The following TSR1 variants were observed in gnomAD, a reference collection of about 807,000 sequenced individuals.
The protein encoded by TSR1 is pre-rRNA-processing protein TSR1 homolog.
A neutral mutation model predicts 90.9 loss-of-function variants in TSR1; 81 were observed. The observed-to-expected ratio is 0.89, with a 90% CI of 0.74 to 1.07. The LOEUF is 1.07. TSR1 is among the 50% of genes least tolerant of loss of function. The pLI is 0.00. For missense variants in TSR1, 989 were observed against 987.3 expected (o/e 1.00, Z -0.02); for synonymous variants, 362 against 348.8 (o/e 1.04, Z -0.42).
In TSR1 at chr17:2,336,435, C is replaced by G. The variant is rs373192073; in HGVS notation, c.-8G>C. 14 of 1,608,148 alleles carry G rather than the reference C, an allele frequency of 8.7e-6. No individual in the cohort carries two copies. In the East Asian group the frequency reaches 8.9e-5, roughly 10 times the overall value. ...GGGGCGGTGGGCCGCCATGCCGCAG[C>G]GCGCGTGTACGGAGTCAGCACTGCT... is the stretch of plus-strand genomic sequence containing the variant. On this transcript the variant is annotated 5_prime_UTR_variant, in exon 1 of 15. Coordinates refer to ENST00000301364, the MANE Select transcript of TSR1 (RefSeq NM_018128.5).
In TSR1 at chr17:2,334,662, T is replaced by G; in HGVS notation, c.791A>C (p.Glu264Ala). 1 of 1,613,628 alleles carries G rather than the reference T, an allele frequency of 6.2e-7. No homozygotes were observed. The highest frequency in any genetic ancestry group is 8.5e-7 in the Non-Finnish European group (1 of 1,180,040). ...FAHAVDFVPS[E>A]ENNLVGTLKI... ...CAAGGTGCCCACCAAGTTATTCTCT[T>G]CACTAGGAACAAAATCAACAGCATG... is the stretch of plus-strand genomic sequence containing the variant. The change falls in exon 5 of 15, where the codon GAA (glutamate) becomes GCA (alanine). Residue 264 changes from glutamate to alanine, a missense_variant. Physicochemically the swap from Glu to Ala is moderately radical, Grantham distance 107. Coordinates refer to ENST00000301364, the MANE Select transcript of TSR1 (RefSeq NM_018128.5).
chr17:2,333,951 T>C (rs1055444594), intron 5 of TSR1, among the ~76,000 whole-genome samples: 1 of 152,142 alleles, frequency 6.6e-6, no homozygotes, highest in Non-Finnish European at 1.5e-5. Context: ...ATTTATTACG[T>C]ACCTCACTCC....
chr17:2,332,375 A>T lies in TSR1; in HGVS notation c.1306-16T>A, dbSNP rs2064012509. The T allele has an allele frequency of 2.5e-6, 4 of 1,570,108 alleles. No homozygotes were observed. The South Asian group carries it at 4.8e-5, about 19-fold the overall frequency. On this transcript the variant is annotated splice_polypyrimidine_tract_variant and intron_variant, in intron 7 of 14. Coordinates refer to ENST00000301364, the MANE Select transcript of TSR1 (RefSeq NM_018128.5). ...TACTCTCATCCTGTAGAATAGGATT[A>T]CAGTTTTTTCAGAAGAAATCCACAC...
chr17:2,323,669 G>A lies in TSR1; in HGVS notation c.*527C>T. 6.2e-7 allele frequency: 1 copy of A among 1,614,080 alleles called. No individual in the cohort carries two copies. ...CATATCAACAGTGTGCAACCCAGCT[G>A]GTGTGGGAGAGGATGAAACTACTCA... On this transcript the variant is annotated 3_prime_UTR_variant, in exon 15 of 15. Coordinates refer to ENST00000301364, the MANE Select transcript of TSR1 (RefSeq NM_018128.5).
Position 2,323,573 on chromosome 17 carries a change from G to C in TSR1, c.*623C>G. 1 of 1,421,956 alleles carries C rather than the reference G, an allele frequency of 7.0e-7. No homozygotes were observed. Among genetic ancestry groups the C allele is most frequent in the Non-Finnish European group, 9.8e-7 (1 of 1,015,674 alleles). 88.1% of individuals were successfully genotyped at this position (1,421,956 alleles called of 1,614,324 possible). A position where few individuals can be genotyped will look rare whatever the true frequency, so the allele number is the denominator to read the frequency against. Reference sequence around the variant, plus strand: ...CACAGTGATAAGAAAATTCAAACTGGACACGTATTCTCATCTGAACTTTAT... The same window carrying C: ...CACAGTGATAAGAAAATTCAAACTGCACACGTATTCTCATCTGAACTTTAT... On this transcript the variant is annotated 3_prime_UTR_variant, in exon 15 of 15. Coordinates refer to ENST00000301364, the MANE Select transcript of TSR1 (RefSeq NM_018128.5).
At chr17:2,326,887 C>CTGAGGTCGGGAGTT (rs1456921931) in intron 11 of TSR1, among the ~76,000 whole-genome samples, 1 of 152,076 alleles carries the variant, frequency 6.6e-6, no homozygotes, top group Non-Finnish European at 1.5e-5. Context: ...GGTGGATCAC[C>CTGAGGTCGGGAGTT]TGAGGTCGGG....
rs1297114495 is a variant in TSR1, at chr17:2,323,738, A to C, written c.*458T>G. 2 of 1,614,096 alleles carry C rather than the reference A, an allele frequency of 1.2e-6. No homozygotes were observed. The highest frequency in any genetic ancestry group is 2.7e-5 in the African/African-American group (2 of 74,924). On this transcript the variant is annotated 3_prime_UTR_variant, in exon 15 of 15. Coordinates refer to ENST00000301364, the MANE Select transcript of TSR1 (RefSeq NM_018128.5). ...TTGGAGTGGCTGCTGTGCTGTCTCA[A>C]CATTTTCAAACTGTTTCCCCAGAAG...
At chr17:2,329,244 G>A in intron 11 of TSR1, 99 bp downstream of exon 11, 2 of 1,541,290 alleles carry the variant, frequency 1.3e-6, no homozygotes, top group Non-Finnish European at 1.8e-6. Flanking sequence ...CTAACCCAGA[G>A]ATGTAAGATT....
chr17:2,333,120 G>T lies in TSR1; in HGVS notation c.1146C>A (p.Phe382Leu). ...TTACCACCTTAGAACTTTCCTTCAA[G>T]AAATCTGTAAAAGCCCAAACAAATT... The part of the protein sequence containing the change: ...TEEELSEAKD[F>L]LKESSKVVKK... Residue 382 changes from phenylalanine to leucine, a missense_variant, in exon 7 of 15, where the codon TTC becomes TTA. By Grantham distance (22) the Phe-to-Leu change is conservative. Transcript: ENST00000301364. 1.2e-6 allele frequency: 2 copies of T among 1,613,012 alleles called. No individual in the cohort carries two copies. Among genetic ancestry groups the T allele is most frequent in the African/African-American group, 1.3e-5 (1 of 74,964 alleles).
intron 11 of TSR1, among the ~76,000 whole-genome samples, chr17:2,327,726 T>C (rs985864951): frequency 1.3e-5 from 2 of 152,064 alleles, no homozygotes; most frequent in Non-Finnish European, 2.9e-5. Context: ...TTATGGAAAA[T>C]TGATCAAAAT....
rs763195873 is a variant in TSR1, at chr17:2,333,651, A to G, written c.1047T>C (p.Pro349=). 1.6e-5 allele frequency: 26 copies of G among 1,614,048 alleles called. No homozygotes were observed. Among genetic ancestry groups the G allele is most frequent in the Non-Finnish European group, 3.4e-6 (4 of 1,180,046 alleles). ...CTGCTTGCAAGGATTCCTGTCTACC[A>G]GGGTCTGCCTTCATTAGGACTTTAA... is the stretch of plus-strand genomic sequence containing the variant. ...EGLKVLMKAD[P]GRQESLQAEV... Residue 349 remains proline (P), a synonymous_variant, in exon 6 of 15, where the codon CCT becomes CCC. Transcript: ENST00000301364.
chr17:2,329,447 C>T lies in TSR1; in HGVS notation c.1799G>A (p.Arg600His), dbSNP rs190016032. 7.0e-5 allele frequency: 113 copies of T among 1,614,144 alleles called. No individual in the cohort carries two copies. In the Middle Eastern group the frequency reaches 1.3e-3, roughly 19 times the overall value. Residue 600 changes from arginine to histidine, a missense_variant, in exon 11 of 15, where the codon CGT becomes CAT. Physicochemically the swap from Arg to His is conservative, Grantham distance 29. Transcript: ENST00000301364. ...KMSVLNMVVR[R>H]DPGNTEPVKA... Reference sequence around the variant, plus strand: ...CACAGGTTCAGTGTTGCCAGGGTCACGCCTCACCACCATATTCAATACTGA... The same window carrying T: ...CACAGGTTCAGTGTTGCCAGGGTCATGCCTCACCACCATATTCAATACTGA...
chr17:2,324,328 A>G lies in TSR1; in HGVS notation c.2283T>C (p.Ser761=). ...ACAGGTTCATCAGTACTGTGTCTTG[A>G]GATTTTAGCTTCCCATCAAAGCTGC... is the stretch of plus-strand genomic sequence containing the variant. The part of the protein sequence containing the change: ...MKCSFDGKLK[S]QDTVLMNLYK... Residue 761 remains serine (S), a synonymous_variant, in exon 15 of 15, where the codon TCT becomes TCC. Coordinates refer to ENST00000301364, the MANE Select transcript of TSR1 (RefSeq NM_018128.5). 1 of 1,565,398 alleles carries G rather than the reference A, an allele frequency of 6.4e-7. No individual in the cohort carries two copies. Among genetic ancestry groups the G allele is most frequent in the Non-Finnish European group, 8.6e-7 (1 of 1,159,282 alleles).
chr17:2,334,935 T>A, intron 4 of TSR1, 39 bp from the exon 5 acceptor site: 2 of 1,567,742 alleles, frequency 1.3e-6, no homozygotes, highest in Admixed American at 3.7e-5. Flanking sequence ...ACCTACTGCT[T>A]CATTACATAA....
At chr17:2,328,698 C>T (rs1426902242) in intron 11 of TSR1, among the ~76,000 whole-genome samples, 6 of 151,468 alleles carry the variant, frequency 4.0e-5, no homozygotes, top group South Asian at 4.2e-4. Flanking sequence ...GGGCGGCTCA[C>T]GAGGTCAGGA....
At chr17:2,328,669 C>A (rs2075588032) in intron 11 of TSR1, among the ~76,000 whole-genome samples, 1 of 151,424 alleles carries the variant, frequency 6.6e-6, no homozygotes, top group African/African-American at 2.4e-5. Flanking sequence ...GTAATCCCAG[C>A]ACTTTGGGAG....
chr17:2,328,623 CA>C, intron 11 of TSR1, among the ~76,000 whole-genome samples: 2 of 143,718 alleles, frequency 1.4e-5, no homozygotes, highest in South Asian at 4.5e-4. Flanking sequence ...CAAAAAAAAA[CA>C]AAAAAAACAA....
intron 8 of TSR1, 21 bp downstream of exon 8, chr17:2,332,148 T>C (rs770985339): frequency 3.7e-5 from 60 of 1,603,806 alleles, no homozygotes; most frequent in Non-Finnish European, 5.0e-5. Context: ...TTTAGATTTG[T>C]TGATAGACTT....
chr17:2,323,020 C>G lies in TSR1; in HGVS notation c.*1176G>C, dbSNP rs1205613296. The G allele has an allele frequency of 4.7e-6, 5 of 1,063,324 alleles. No individual in the cohort carries two copies. Among genetic ancestry groups the G allele is most frequent in the Middle Eastern group, 3.0e-4 (1 of 3,338 alleles). 65.9% of individuals were successfully genotyped at this position (1,063,324 alleles called of 1,614,324 possible). ...CCTCAGCTGATCCACCCGCCTCGGGCTCCCAAAGTGTTGGGATTACAGGTG... is the reference window on the plus strand; with the variant it reads ...CCTCAGCTGATCCACCCGCCTCGGGGTCCCAAAGTGTTGGGATTACAGGTG... On this transcript the variant is annotated 3_prime_UTR_variant, in exon 15 of 15. Coordinates refer to ENST00000301364, the MANE Select transcript of TSR1 (RefSeq NM_018128.5).
Sources: allele counts gnomAD v4.1 joint callset (sites outside exome capture counted in the v4.1 genomes callset), GRCh38; gene constraint gnomAD v4.1.1; transcripts MANE v1.5; gene names NCBI Gene and HGNC (gene_info 2026-07-23, HGNC 2026-07-21).